The following HNF4G variants were observed in gnomAD, a reference collection of about 807,000 sequenced individuals.
The protein encoded by HNF4G is hepatocyte nuclear factor 4 gamma.
In HNF4G, 21 loss-of-function variants were observed where a neutral mutation model predicts 50.9. The ratio of observed to expected loss-of-function variants is 0.41; its 90% CI spans 0.29 to 0.59. HNF4G has a LOEUF of 0.59. HNF4G is among the 20% of genes least tolerant of loss of function. The pLI, the probability that HNF4G is intolerant of heterozygous loss-of-function variation, is 0.26. For missense variants in HNF4G, 527 were observed against 559.4 expected (o/e 0.94, Z 0.58); for synonymous variants, 198 against 185.6 (o/e 1.07, Z -0.54).
intron 4 of HNF4G, 64 bp downstream of exon 4, chr8:75,551,558 G>A: frequency 2.1e-6 from 2 of 934,376 alleles, no homozygotes; most frequent in East Asian, 4.9e-5. Flanking sequence ...TAGGCATCAT[G>A]CTAAAATAAT....
chr8:75,551,737 A>T (rs996966650), intron 4 of HNF4G, among the ~76,000 whole-genome samples: 2 of 152,240 alleles, frequency 1.3e-5, no homozygotes, highest in African/African-American at 4.8e-5. Flanking sequence ...ATTGTTTTTT[A>T]AAAAGTTTGC....
chr8:75,516,361 A>G (rs1362139061), intron 2 of HNF4G, among the ~76,000 whole-genome samples: 1 of 152,084 alleles, frequency 6.6e-6, no homozygotes, highest in Non-Finnish European at 1.5e-5. Flanking sequence ...TAATATCCCA[A>G]CATAAGAGGA....
chr8:75,542,234 G>A (rs945602342), intron 1 of HNF4G, among the ~76,000 whole-genome samples: 1 of 152,040 alleles, frequency 6.6e-6, no homozygotes, highest in Non-Finnish European at 1.5e-5. Context: ...GAGCTCAGGA[G>A]GTCCAGGTTG....
chr8:75,413,317 A>AGGGGAAGGGAGGGGAGGGGAGGGGT, intron 1 of HNF4G, among the ~76,000 whole-genome samples: 2 of 41,708 alleles, frequency 4.8e-5, no homozygotes, highest in Admixed American at 3.5e-4. Context: ...AAGGGAGGGA[A>AGGGGAAGGGAGGGGAGGGGAGGGGT]GGGGAGGGGA....
chr8:75,543,234 A>G (rs942773019), intron 1 of HNF4G, among the ~76,000 whole-genome samples: 4 of 152,150 alleles, frequency 2.6e-5, no homozygotes, highest in Non-Finnish European at 5.9e-5. Context: ...ATAAATAAAA[A>G]GTATTGTAAA....
At chr8:75,491,260 TGCA>T (rs1208061634) in intron 2 of HNF4G, among the ~76,000 whole-genome samples, 1 of 152,174 alleles carries the variant, frequency 6.6e-6, no homozygotes, top group Non-Finnish European at 1.5e-5. Context: ...CAGTGATGTT[TGCA>T]ACATGTTACT....
At chr8:75,433,480 T>C (rs1811063602) in intron 1 of HNF4G, among the ~76,000 whole-genome samples, 1 of 151,528 alleles carries the variant, frequency 6.6e-6, no homozygotes, top group Non-Finnish European at 1.5e-5. Context: ...CCATTAAATC[T>C]CTAAGCAACT....
chr8:75,488,013 G>A (rs751820463), intron 1 of HNF4G, among the ~76,000 whole-genome samples: 4 of 152,248 alleles, frequency 2.6e-5, no homozygotes, highest in Admixed American at 1.3e-4. Context: ...AATAGCATGA[G>A]GGTAACCATC....
At chr8:75,520,936 T>C (rs1312901614) in intron 2 of HNF4G, among the ~76,000 whole-genome samples, 1 of 152,074 alleles carries the variant, frequency 6.6e-6, no homozygotes, top group African/African-American at 2.4e-5. Flanking sequence ...ATTTTTAATA[T>C]TTTGATAGTA....
intron 1 of HNF4G, among the ~76,000 whole-genome samples, chr8:75,443,885 A>C (rs1036746904): frequency 6.6e-6 from 1 of 152,192 alleles, no homozygotes; most frequent in East Asian, 1.9e-4. Flanking sequence ...AGTATAAATA[A>C]ATAAGGGTGA....
At position 75,551,375 on chromosome 8, in the gene HNF4G, T is replaced by G. The variant is rs1806949640; in HGVS notation, c.383-13T>G. On this transcript the variant is annotated splice_polypyrimidine_tract_variant and intron_variant, in intron 3 of 9. Transcript: ENST00000396423. ...GAGAAGTGCTCAATAAATACTGTGT[T>G]TTTTCCCCCTAGCTGTACAAAATGA... 3 of 1,530,790 alleles carry G rather than the reference T, an allele frequency of 2.0e-6. No individual in the cohort carries two copies. The East Asian group carries it at 6.8e-5, about 34-fold the overall frequency. 94.8% of individuals were successfully genotyped at this position (1,530,790 alleles called of 1,614,324 possible).
chr8:75,458,526 A>G (rs1811775526), intron 1 of HNF4G, among the ~76,000 whole-genome samples: 1 of 152,146 alleles, frequency 6.6e-6, no homozygotes, highest in Non-Finnish European at 1.5e-5. Context: ...GACAACAACA[A>G]TAACAAATAA....
intron 5 of HNF4G, among the ~76,000 whole-genome samples, chr8:75,553,640 T>G (rs1453523908): frequency 6.6e-6 from 1 of 152,140 alleles, no homozygotes; most frequent in African/African-American, 2.4e-5. Flanking sequence ...ACACAGGTTG[T>G]GGTGTTGTCT....
At chr8:75,465,563 A>C (rs1295371178) in intron 1 of HNF4G, among the ~76,000 whole-genome samples, 1 of 152,202 alleles carries the variant, frequency 6.6e-6, no homozygotes, top group Non-Finnish European at 1.5e-5. Context: ...ATCATAAGCA[A>C]AACAGAAAAT....
At chr8:75,504,185 C>T (rs1813003698) in intron 2 of HNF4G, among the ~76,000 whole-genome samples, 1 of 150,948 alleles carries the variant, frequency 6.6e-6, no homozygotes. Context: ...TGTGCCACTG[C>T]ACTCCAGGCT....
chr8:75,420,864 T>A (rs1810759163), intron 1 of HNF4G, among the ~76,000 whole-genome samples: 1 of 152,180 alleles, frequency 6.6e-6, no homozygotes, highest in Admixed American at 6.5e-5. Context: ...CTCTGACTCA[T>A]TCTTTACATA....
chr8:75,544,043 TA>T, intron 2 of HNF4G, 64 bp downstream of exon 2: 1 of 1,409,524 alleles, frequency 7.1e-7, no homozygotes, highest in African/African-American at 1.4e-5. Flanking sequence ...ACGCAAAAAG[TA>T]AGAGAAGAAA....
At chr8:75,423,550 G>T (rs531228049) in intron 1 of HNF4G, among the ~76,000 whole-genome samples, 2 of 150,960 alleles carry the variant, frequency 1.3e-5, no homozygotes, top group Admixed American at 1.3e-4. Flanking sequence ...CACTACGCCT[G>T]GCTAATTTTT....
chr8:75,488,520 T>G (rs1316128809), intron 1 of HNF4G, among the ~76,000 whole-genome samples: 1 of 152,082 alleles, frequency 6.6e-6, no homozygotes, highest in East Asian at 1.9e-4. Context: ...TCAAGTGATC[T>G]GCCCACCTCA....
Sources: gnomAD v4.1 joint callset for allele counts (sites outside exome capture counted in the v4.1 genomes callset) on GRCh38, gnomAD v4.1.1 for gene constraint, MANE v1.5 for transcripts, NCBI Gene and HGNC (gene_info 2026-07-23, HGNC 2026-07-21) for gene names.